Variants in MAGI2 observed in about 807,000 individuals in gnomAD.
The protein encoded by MAGI2 is membrane-associated guanylate kinase, WW and PDZ domain-containing protein 2.
A neutral mutation model predicts 133.3 loss-of-function variants in MAGI2; 35 were observed. The observed-to-expected ratio is 0.26, with a 90% CI of 0.20 to 0.35. The LOEUF is 0.35. Ranked by LOEUF, MAGI2 falls within the 10% of genes least tolerant of loss-of-function variation. The pLI, the probability that MAGI2 is intolerant of heterozygous loss-of-function variation, is 1.00. For missense variants in MAGI2, 1,636 were observed against 1,863.4 expected, an observed-to-expected ratio of 0.88 and a Z score of 2.25; for synonymous variants, 729 against 710.6, an observed-to-expected ratio of 1.03 and a Z score of -0.41.
At chr7:78,586,797 C>T (rs954539032) in intron 3 of MAGI2, among the ~76,000 whole-genome samples, 5 of 152,182 alleles carry the variant, frequency 3.3e-5, no homozygotes, top group Non-Finnish European at 5.9e-5. Flanking sequence ...GACCACTCTA[C>T]GTAGTTGACA....
intron 2 of MAGI2, among the ~76,000 whole-genome samples, chr7:78,727,173 A>C (rs1455986921): frequency 6.6e-6 from 1 of 152,238 alleles, no homozygotes; most frequent in Non-Finnish European, 1.5e-5. Flanking sequence ...AAGCAATGGA[A>C]GTAGACACAA....
At chr7:79,356,308 G>A (rs1842014232) in intron 1 of MAGI2, among the ~76,000 whole-genome samples, 1 of 149,932 alleles carries the variant, frequency 6.7e-6, no homozygotes. Context: ...TAAATAACAT[G>A]CTATGTTACG....
At chr7:79,204,768 A>G (rs1828899616) in intron 1 of MAGI2, among the ~76,000 whole-genome samples, 1 of 152,022 alleles carries the variant, frequency 6.6e-6, no homozygotes, top group African/African-American at 2.4e-5. Flanking sequence ...TAATAGAAAA[A>G]TTGAAACAAT....
chr7:78,409,803 G>A (rs933508649), intron 6 of MAGI2, among the ~76,000 whole-genome samples: 1 of 151,984 alleles, frequency 6.6e-6, no homozygotes, highest in Non-Finnish European at 1.5e-5. Context: ...ACCCTGCCCC[G>A]ACCCGAGTCT....
intron 11 of MAGI2, among the ~76,000 whole-genome samples, chr7:78,200,354 C>G (rs2150755892): frequency 6.6e-6 from 1 of 152,302 alleles, no homozygotes; most frequent in African/African-American, 2.4e-5. Context: ...AACTGCTAAG[C>G]CAACTTGGCT....
At chr7:78,249,810 C>T (rs550310684) in intron 10 of MAGI2, among the ~76,000 whole-genome samples, 5 of 151,966 alleles carry the variant, frequency 3.3e-5, no homozygotes, top group Admixed American at 3.3e-4. Flanking sequence ...ACTATAGTTA[C>T]CAATAATGTA....
At chr7:78,998,629 C>G (rs1806553332) in intron 2 of MAGI2, among the ~76,000 whole-genome samples, 1 of 152,154 alleles carries the variant, frequency 6.6e-6, no homozygotes, top group Admixed American at 6.5e-5. Context: ...GACAAGTGAT[C>G]TGGACATTAG....
intron 2 of MAGI2, among the ~76,000 whole-genome samples, chr7:78,917,047 A>C (rs1468988980): frequency 1.3e-5 from 2 of 152,150 alleles, no homozygotes; most frequent in Admixed American, 1.3e-4. Context: ...CAGACGTAAT[A>C]AATTTCCAAT....
chr7:79,044,807 C>T (rs566115435), intron 1 of MAGI2, among the ~76,000 whole-genome samples: 109 of 152,294 alleles, frequency 7.2e-4, no homozygotes, highest in Non-Finnish European at 1.3e-3. Flanking sequence ...ATCAAGAATG[C>T]AATCACAGTC....
intron 10 of MAGI2, among the ~76,000 whole-genome samples, chr7:78,208,135 C>CCT (rs751803896): frequency 1.7e-5 from 2 of 115,588 alleles, no homozygotes; most frequent in African/African-American, 6.7e-5. Context: ...CCCAAAGTGG[C>CCT]TTTTTTTTTT....
At chr7:78,465,900 A>G (rs903814144) in intron 6 of MAGI2, among the ~76,000 whole-genome samples, 1 of 152,162 alleles carries the variant, frequency 6.6e-6, no homozygotes, top group African/African-American at 2.4e-5. Flanking sequence ...TAGTCTATGC[A>G]CTTCGGCCGT....
At chr7:78,339,484 A>AAT (rs533200477) in intron 9 of MAGI2, among the ~76,000 whole-genome samples, 1 of 152,324 alleles carries the variant, frequency 6.6e-6, no homozygotes, top group African/African-American at 2.4e-5. Flanking sequence ...TTTACACTGA[A>AAT]ATAAGTCTTT....
At chr7:79,359,663 G>A (rs1304378662) in intron 1 of MAGI2, among the ~76,000 whole-genome samples, 1 of 140,716 alleles carries the variant, frequency 7.1e-6, no homozygotes, top group Non-Finnish European at 1.5e-5. Flanking sequence ...AAATGCTCAA[G>A]TGGGAAACAC....
At chr7:79,219,726 A>C (rs1554408515) in intron 1 of MAGI2, among the ~76,000 whole-genome samples, 1 of 152,022 alleles carries the variant, frequency 6.6e-6, no homozygotes, top group Non-Finnish European at 1.5e-5. Context: ...CACATTTGCA[A>C]ATCTTAATTC....
At chr7:78,857,894 TG>T (rs1439497082) in intron 2 of MAGI2, among the ~76,000 whole-genome samples, 2 of 152,130 alleles carry the variant, frequency 1.3e-5, no homozygotes, top group Non-Finnish European at 2.9e-5. Flanking sequence ...GGATTTTTTT[TG>T]TTGGTAGGCC....
At chr7:78,931,900 A>G (rs1164682829) in intron 2 of MAGI2, among the ~76,000 whole-genome samples, 2 of 151,850 alleles carry the variant, frequency 1.3e-5, no homozygotes, top group Non-Finnish European at 2.9e-5. Context: ...GCAACCTGAA[A>G]TGCTACAAAA....
chr7:78,975,886 G>A (rs1804199190), intron 2 of MAGI2, among the ~76,000 whole-genome samples: 1 of 151,568 alleles, frequency 6.6e-6, no homozygotes, highest in African/African-American at 2.4e-5. Context: ...AATAATACAA[G>A]TAACTCTATC....
chr7:78,297,304 G>A (rs1797354699), intron 9 of MAGI2, among the ~76,000 whole-genome samples: 4 of 151,084 alleles, frequency 2.6e-5, no homozygotes, highest in Admixed American at 2.6e-4. Context: ...AGTTAGAATG[G>A]CAATCATTAA....
chr7:78,576,649 C>T (rs1400671324), intron 3 of MAGI2, among the ~76,000 whole-genome samples: 2 of 152,134 alleles, frequency 1.3e-5, no homozygotes, highest in African/African-American at 4.8e-5. Context: ...ACAGGCCTTG[C>T]TGGGTTTCCT....
Sources: gnomAD v4.1 joint callset for allele counts (sites outside exome capture counted in the v4.1 genomes callset) on GRCh38, gnomAD v4.1.1 for gene constraint, MANE v1.5 for transcripts, NCBI Gene and HGNC (gene_info 2026-07-23, HGNC 2026-07-21) for gene names.